RANBP2: variants seen among roughly 807,000 people sequenced by gnomAD.
RANBP2 encodes the protein E3 SUMO-protein ligase RanBP2.
Under a neutral mutation model 303.6 loss-of-function variants are expected in RANBP2, and 57 were observed. The observed-to-expected ratio is 0.19, with a 90% confidence interval of 0.15 to 0.23. The LOEUF (loss-of-function observed/expected upper bound fraction) is 0.23, where lower values mean the gene tolerates loss of function less well. Among genes scored for constraint, RANBP2 ranks in the 10% least tolerant of loss-of-function variants. The pLI, the probability that RANBP2 is intolerant of heterozygous loss-of-function variation, is 1.00. For missense variants in RANBP2, 3,138 were observed against 3,780.8 expected (o/e 0.83, Z 4.46); for synonymous variants, 1,167 against 1,301.5 (o/e 0.90, Z 2.23).
the RANBP2 span, among the ~76,000 whole-genome samples, chr2:109,727,476 G>C: frequency 6.6e-6 from 1 of 152,328 alleles, no homozygotes; most frequent in African/African-American, 2.4e-5. Context: ...CTGGAAGTCT[G>C]TGTCCTTTTC....
the RANBP2 span, among the ~76,000 whole-genome samples, chr2:109,583,316 A>G: frequency 6.6e-6 from 1 of 152,194 alleles, no homozygotes; most frequent in Non-Finnish European, 1.5e-5. Flanking sequence ...ACAACTAAAC[A>G]AGGAAAAAAC....
At chr2:109,085,671 G>A in the RANBP2 span, among the ~76,000 whole-genome samples, 1 of 147,876 alleles carries the variant, frequency 6.8e-6, no homozygotes, top group Admixed American at 6.8e-5. Context: ...CACAATCTTG[G>A]CTCACTGCAA....
chr2:109,498,060 G>A, the RANBP2 span, among the ~76,000 whole-genome samples: 8 of 152,092 alleles, frequency 5.3e-5, no homozygotes, highest in East Asian at 3.9e-4. Context: ...GCTGCATCCC[G>A]GCAGCCATCT....
the RANBP2 span, among the ~76,000 whole-genome samples, chr2:109,261,259 A>G: frequency 6.6e-6 from 1 of 152,180 alleles, no homozygotes; most frequent in Non-Finnish European, 1.5e-5. Context: ...GTCAAGCAGA[A>G]CAAAGCAATG....
At chr2:109,614,904 C>A in the RANBP2 span, 1 of 1,445,720 alleles carries the variant, frequency 6.9e-7, no homozygotes, top group South Asian at 1.5e-5. Context: ...CGAGGGAGAG[C>A]CCCCCGCCCC....
chr2:108,964,550 C>T, the RANBP2 span, among the ~76,000 whole-genome samples: 1 of 152,186 alleles, frequency 6.6e-6, no homozygotes, highest in Non-Finnish European at 1.5e-5. Context: ...CCAACCAAAC[C>T]ACAGTCACCA....
At chr2:109,159,245 G>C in the RANBP2 span, among the ~76,000 whole-genome samples, 4 of 152,242 alleles carry the variant, frequency 2.6e-5, no homozygotes, top group African/African-American at 9.6e-5. Flanking sequence ...CTCTGCTGCT[G>C]GCCTTCCTGC....
chr2:108,836,646 T>G, the RANBP2 span, among the ~76,000 whole-genome samples: 1 of 152,234 alleles, frequency 6.6e-6, no homozygotes, highest in Admixed American at 6.5e-5. Flanking sequence ...TGTAGATCGC[T>G]TTGGGTAGCA....
the RANBP2 span, among the ~76,000 whole-genome samples, chr2:109,287,797 C>T: frequency 0.011 from 1,643 of 152,316 alleles, 16 homozygotes; most frequent in Non-Finnish European, 0.013. Flanking sequence ...TAAAGCTTCG[C>T]ACTGTTGCCA....
the RANBP2 span, among the ~76,000 whole-genome samples, chr2:109,740,959 G>A: frequency 2.8e-5 from 2 of 71,444 alleles, no homozygotes; most frequent in Middle Eastern, 9.2e-3. Context: ...TGGTGTCACT[G>A]TTAAATTCTA....
chr2:109,402,041 C>T, the RANBP2 span, among the ~76,000 whole-genome samples: 3 of 152,216 alleles, frequency 2.0e-5, no homozygotes, highest in Non-Finnish European at 2.9e-5. Flanking sequence ...GCCTGTCTCC[C>T]TGTCCTGATT....
the RANBP2 span, among the ~76,000 whole-genome samples, chr2:108,831,083 C>A: frequency 6.6e-6 from 1 of 151,722 alleles, no homozygotes; most frequent in South Asian, 2.1e-4. Flanking sequence ...GCTGAGGCAC[C>A]AGAATCGCTT....
the RANBP2 span, among the ~76,000 whole-genome samples, chr2:109,005,756 A>C: frequency 2.0e-5 from 3 of 152,194 alleles, no homozygotes; most frequent in Admixed American, 2.0e-4. Context: ...GCACTGGGCC[A>C]CAAAACTTTG....
chr2:108,749,193 A>G (rs1366527476), intron 9 of RANBP2, 64 bp downstream of exon 9: 5 of 1,609,120 alleles, frequency 3.1e-6, no homozygotes, highest in Non-Finnish European at 4.2e-6. Context: ...CCATAATCTT[A>G]TTACCCAGAA....
At chr2:109,324,860 G>A in the RANBP2 span, among the ~76,000 whole-genome samples, 9 of 152,156 alleles carry the variant, frequency 5.9e-5, no homozygotes, top group Non-Finnish European at 1.2e-4. Flanking sequence ...GTGCAAGCAC[G>A]CACGCTGGCA....
the RANBP2 span, among the ~76,000 whole-genome samples, chr2:108,806,196 T>G: frequency 6.6e-6 from 1 of 152,346 alleles, no homozygotes; most frequent in South Asian, 2.1e-4. Flanking sequence ...GACAGCCTGT[T>G]GTCTGTTTGG....
chr2:109,050,539 GC>G, the RANBP2 span, among the ~76,000 whole-genome samples: 1 of 152,130 alleles, frequency 6.6e-6, no homozygotes, highest in Non-Finnish European at 1.5e-5. Context: ...ACAGGTGTGA[GC>G]CACCATGTCC....
chr2:108,826,535 G>A, the RANBP2 span, among the ~76,000 whole-genome samples: 2 of 151,912 alleles, frequency 1.3e-5, no homozygotes, highest in East Asian at 1.9e-4. Flanking sequence ...GAATTGTTTC[G>A]GTACCATGTT....
chr2:109,141,285 T>G, the RANBP2 span, among the ~76,000 whole-genome samples: 1 of 152,334 alleles, frequency 6.6e-6, no homozygotes, highest in East Asian at 1.9e-4. Flanking sequence ...TGGCAACCAG[T>G]GCTCTGTCGG....
Sources: allele counts gnomAD v4.1 joint callset (sites outside exome capture counted in the v4.1 genomes callset), GRCh38; gene constraint gnomAD v4.1.1; transcripts MANE v1.5; gene names NCBI Gene and HGNC (gene_info 2026-07-23, HGNC 2026-07-21).